Variants in RORB observed in about 807,000 individuals in gnomAD.
RORB encodes RAR related orphan receptor B.
RORB carries 6 observed loss-of-function variants against 59.1 expected under a neutral mutation model. That is an observed-to-expected ratio of 0.10 (90% CI 0.06 to 0.20). The LOEUF (loss-of-function observed/expected upper bound fraction) is 0.20. RORB is among the 10% of genes least tolerant of loss of function. RORB has a pLI of 1.00. For synonymous variants in RORB, 215 were observed against 204.5 expected, an observed-to-expected ratio of 1.05 and a Z score of -0.44; for missense variants, 320 against 560.5, an observed-to-expected ratio of 0.57 and a Z score of 4.33.
At chr9:74,585,561 C>T (rs867061070) in intron 1 of RORB, among the ~76,000 whole-genome samples, 1 of 152,176 alleles carries the variant, frequency 6.6e-6, no homozygotes, top group African/African-American at 2.4e-5. Context: ...CTGTGTTAGA[C>T]AGAAGGCAGC....
chr9:74,558,735 A>C (rs562961557), intron 1 of RORB, among the ~76,000 whole-genome samples: 12 of 150,846 alleles, frequency 8.0e-5, no homozygotes, highest in African/African-American at 2.9e-4. Context: ...TAAGAAGAAT[A>C]AGGACAAAGT....
chr9:74,589,207 G>A (rs998449639), intron 1 of RORB, among the ~76,000 whole-genome samples: 2 of 152,166 alleles, frequency 1.3e-5, no homozygotes, highest in Non-Finnish European at 2.9e-5. Context: ...TTTGCAAATA[G>A]ACAGGAAAGA....
chr9:74,679,161 T>C (rs1376614986), intron 9 of RORB, among the ~76,000 whole-genome samples: 1 of 151,980 alleles, frequency 6.6e-6, no homozygotes, highest in Non-Finnish European at 1.5e-5. Flanking sequence ...TCATCTTAAA[T>C]AGCACAGTCT....
intron 8 of RORB, among the ~76,000 whole-genome samples, chr9:74,670,706 C>G (rs1314445911): frequency 1.3e-5 from 2 of 152,204 alleles, no homozygotes; most frequent in Non-Finnish European, 2.9e-5. Context: ...TCCTGCCAGA[C>G]AGCCCCCTAT....
chr9:74,607,377 A>T (rs1327689220), intron 1 of RORB, among the ~76,000 whole-genome samples: 2 of 152,196 alleles, frequency 1.3e-5, no homozygotes, highest in African/African-American at 4.8e-5. Context: ...TGAGTTGAGG[A>T]TTGTAACGGT....
At chr9:74,552,645 T>C (rs747150973) in intron 1 of RORB, among the ~76,000 whole-genome samples, 31 of 152,030 alleles carry the variant, frequency 2.0e-4, no homozygotes, top group Non-Finnish European at 3.1e-4. Context: ...TAGAAAATGA[T>C]ATCATGTTTA....
At chr9:74,607,782 A>G (rs1338864529) in intron 1 of RORB, among the ~76,000 whole-genome samples, 3 of 152,188 alleles carry the variant, frequency 2.0e-5, no homozygotes, top group African/African-American at 7.2e-5. Flanking sequence ...TATCATTGGT[A>G]GTCATCTTGG....
intron 1 of RORB, among the ~76,000 whole-genome samples, chr9:74,549,756 T>C (rs899315937): frequency 6.6e-6 from 1 of 151,910 alleles, no homozygotes. Flanking sequence ...GAGACGGAAT[T>C]TTGCTCTGTC....
intron 1 of RORB, among the ~76,000 whole-genome samples, chr9:74,592,140 C>T (rs986199587): frequency 6.6e-6 from 1 of 152,138 alleles, no homozygotes; most frequent in African/African-American, 2.4e-5. Flanking sequence ...AACCCTCAAT[C>T]CCCTGCTTCA....
chr9:74,559,316 T>A (rs1327402426), intron 1 of RORB, among the ~76,000 whole-genome samples: 1 of 152,172 alleles, frequency 6.6e-6, no homozygotes, highest in Non-Finnish European at 1.5e-5. Context: ...AGTGAATCAT[T>A]ATACCTTGCC....
intron 1 of RORB, among the ~76,000 whole-genome samples, chr9:74,626,861 C>T (rs1831121): frequency 0.45 from 68,495 of 152,106 alleles, 15,952 homozygotes; most frequent in East Asian, 0.75. Context: ...GGAAGATGTG[C>T]TTTATAAAAC....
chr9:74,594,117 G>A (rs1822939332), intron 1 of RORB, among the ~76,000 whole-genome samples: 1 of 152,210 alleles, frequency 6.6e-6, no homozygotes, highest in Non-Finnish European at 1.5e-5. Context: ...CTGGATGGCT[G>A]AGACTTCAGT....
At chr9:74,530,831 G>A (rs1404653936) in intron 1 of RORB, among the ~76,000 whole-genome samples, 3 of 151,750 alleles carry the variant, frequency 2.0e-5, no homozygotes, top group South Asian at 2.1e-4. Context: ...CCATTAACTC[G>A]TCATTTACAT....
intron 1 of RORB, among the ~76,000 whole-genome samples, chr9:74,616,288 G>A (rs894551300): frequency 6.6e-6 from 1 of 152,014 alleles, no homozygotes; most frequent in Admixed American, 6.6e-5. Flanking sequence ...GTACTAGATA[G>A]CAATGCACAA....
chr9:74,669,232 A>C (rs921248941), intron 8 of RORB, among the ~76,000 whole-genome samples: 1 of 152,214 alleles, frequency 6.6e-6, no homozygotes, highest in Admixed American at 6.5e-5. Context: ...TAATCCCAAC[A>C]CTTCGGGAGG....
chr9:74,692,609 T>A lies in RORB; in HGVS notation c.*6991T>A, dbSNP rs561671198. ...TGCATCTCATTAGCATGCACACCAC[T>A]GTTGGCAATGCATAAAAGTTGCATT... On this transcript the variant is annotated 3_prime_UTR_variant, in exon 10 of 10. Transcript: ENST00000376896. The A allele has an allele frequency of 2.0e-5, 3 of 152,204 alleles. No individual in the cohort carries two copies. The highest frequency in any genetic ancestry group is 4.4e-5 in the Non-Finnish European group (3 of 68,036). 9.4% of individuals were successfully genotyped at this position (152,204 alleles called of 1,614,324 possible).
intron 1 of RORB, among the ~76,000 whole-genome samples, chr9:74,556,994 G>A (rs989861111): frequency 6.6e-6 from 1 of 151,910 alleles, no homozygotes; most frequent in Admixed American, 6.6e-5. Context: ...TGGTAGATAT[G>A]TCCTTGCCTA....
intron 1 of RORB, among the ~76,000 whole-genome samples, chr9:74,622,519 ATTTTTTTTT>A (rs33946613): frequency 1.3e-5 from 1 of 74,142 alleles, no homozygotes; most frequent in Non-Finnish European, 2.3e-5. Context: ...TACAACCCAG[ATTTTTTTTT>A]TTTTTTTTTT....
At chr9:74,667,582 A>T (rs1232506574) in intron 7 of RORB, among the ~76,000 whole-genome samples, 1 of 152,198 alleles carries the variant, frequency 6.6e-6, no homozygotes, top group Non-Finnish European at 1.5e-5. Flanking sequence ...GGTAATGTTA[A>T]CTTGGATTGC....
Sources: gnomAD v4.1 joint callset for allele counts (sites outside exome capture counted in the v4.1 genomes callset) on GRCh38, gnomAD v4.1.1 for gene constraint, MANE v1.5 for transcripts, NCBI Gene and HGNC (gene_info 2026-07-23, HGNC 2026-07-21) for gene names.